Variants in IPO11 observed in about 807,000 individuals in gnomAD.
IPO11 encodes importin-11.
Under a neutral mutation model 143.2 loss-of-function variants are expected in IPO11, and 66 were observed. The ratio of observed to expected loss-of-function variants is 0.46; its 90% CI spans 0.38 to 0.57. The LOEUF is 0.57. IPO11 is among the 20% of genes least tolerant of loss of function. IPO11 has a pLI of 0.00. For missense variants in IPO11, 1,026 were observed against 1,141.0 expected (o/e 0.90, Z 1.45); for synonymous variants, 385 against 377.8 (o/e 1.02, Z -0.22).
chr5:62,462,443 A>C (rs150877785), intron 5 of IPO11, among the ~76,000 whole-genome samples: 10 of 152,252 alleles, frequency 6.6e-5, no homozygotes, highest in African/African-American at 2.4e-4. Flanking sequence ...TGCAAGTGGT[A>C]GAATTCTGCA....
chr5:62,452,844 C>G (rs1219176636), intron 5 of IPO11, among the ~76,000 whole-genome samples: 1 of 150,008 alleles, frequency 6.7e-6, no homozygotes, highest in Non-Finnish European at 1.5e-5. Flanking sequence ...CCTTGACCTC[C>G]TTGGCTCAAA....
intron 18 of IPO11, among the ~76,000 whole-genome samples, chr5:62,505,462 C>T (rs945211896): frequency 1.3e-5 from 2 of 151,910 alleles, no homozygotes; most frequent in Non-Finnish European, 2.9e-5. Flanking sequence ...AAGAAAGTTA[C>T]GTGATAAAAT....
intron 19 of IPO11, among the ~76,000 whole-genome samples, chr5:62,507,143 A>G (rs1161846718): frequency 6.6e-6 from 1 of 152,198 alleles, no homozygotes; most frequent in African/African-American, 2.4e-5. Flanking sequence ...TAGTTCTCAC[A>G]AAAAACTTGA....
At chr5:62,487,900 T>C (rs1326156580) in intron 13 of IPO11, 39 bp downstream of exon 13, 1 of 1,553,560 alleles carries the variant, frequency 6.4e-7, no homozygotes, top group Non-Finnish European at 8.8e-7. Flanking sequence ...GTTAATCTCT[T>C]TAACGTTTAG....
At chr5:62,488,614 A>G (rs551740714) in intron 13 of IPO11, among the ~76,000 whole-genome samples, 115 of 152,328 alleles carry the variant, frequency 7.5e-4, no homozygotes, top group Admixed American at 1.6e-3. Flanking sequence ...TCTTAAGGAC[A>G]GAACCTGAGA....
intron 29 of IPO11, among the ~76,000 whole-genome samples, chr5:62,614,022 A>G (rs1319610982): frequency 6.6e-6 from 1 of 152,222 alleles, no homozygotes. Flanking sequence ...AGACTTTAAA[A>G]CAGCTGTGGT....
At chr5:62,577,805 G>C (rs2112396752) in intron 27 of IPO11, among the ~76,000 whole-genome samples, 1 of 152,030 alleles carries the variant, frequency 6.6e-6, no homozygotes, top group South Asian at 2.1e-4. Flanking sequence ...AGTAATTGTT[G>C]ATGTGAAATG....
intron 1 of IPO11, among the ~76,000 whole-genome samples, chr5:62,414,364 T>G (rs1743219934): frequency 3.3e-5 from 5 of 152,230 alleles, no homozygotes; most frequent in Admixed American, 2.6e-4. Context: ...GTTTGATTAT[T>G]TGGATTTTGA....
At chr5:62,506,191 C>G in intron 18 of IPO11, 50 bp from the exon 19 acceptor site, 1 of 993,380 alleles carries the variant, frequency 1.0e-6, no homozygotes, top group Non-Finnish European at 1.5e-6. Context: ...ATGTAGAGGT[C>G]TTTCATTTCT....
chr5:62,476,563 A>G, intron 8 of IPO11, 120 bp from the exon 9 acceptor site: 1 of 1,082,138 alleles, frequency 9.2e-7, no homozygotes, highest in Non-Finnish European at 1.3e-6. Context: ...TTTTTAAATA[A>G]TGAATTCATA....
intron 1 of IPO11, chr5:62,418,893 G>A (rs1349829850): frequency 8.6e-7 from 1 of 1,157,990 alleles, no homozygotes; most frequent in Non-Finnish European, 1.2e-6. Context: ...TATAGCACCA[G>A]GTGTGAAACT....
At chr5:62,548,338 G>T (rs1426842515) in intron 24 of IPO11, among the ~76,000 whole-genome samples, 1 of 152,016 alleles carries the variant, frequency 6.6e-6, no homozygotes, top group African/African-American at 2.4e-5. Context: ...TTTTCTTGAG[G>T]AAGTCTCTTC....
At chr5:62,618,893 T>C (rs1271107740) in intron 29 of IPO11, among the ~76,000 whole-genome samples, 1 of 152,150 alleles carries the variant, frequency 6.6e-6, no homozygotes, top group Non-Finnish European at 1.5e-5. Flanking sequence ...TTTACCAGAA[T>C]GTACTATCAG....
At chr5:62,439,591 CTT>C (rs772635565) in intron 2 of IPO11, among the ~76,000 whole-genome samples, 15 of 140,282 alleles carry the variant, frequency 1.1e-4, no homozygotes, top group East Asian at 2.1e-4. Flanking sequence ...CTGGCCCAGT[CTT>C]TTTTTTTTTT....
chr5:62,579,907 T>C, intron 27 of IPO11: 1 of 1,551,274 alleles, frequency 6.4e-7, no homozygotes, highest in Non-Finnish European at 8.7e-7. Context: ...TGATCTAGTT[T>C]CAGTTCAGTA....
intron 27 of IPO11, among the ~76,000 whole-genome samples, chr5:62,567,947 G>C (rs531058548): frequency 2.1e-3 from 286 of 136,300 alleles, no homozygotes; most frequent in African/African-American, 6.8e-3. Flanking sequence ...ATTGTGTTTT[G>C]TTTATTTTTC....
Position 62,470,441 on chromosome 5 carries a change from T to C in IPO11, c.708+133T>C, listed in dbSNP as rs1041956954. ...GTGACCATCTAGTTTTTTACCATTCTGACTTTTAGACTTCTGGTCTGTTTT... is the reference window on the plus strand; with the variant it reads ...GTGACCATCTAGTTTTTTACCATTCCGACTTTTAGACTTCTGGTCTGTTTT... On this transcript the variant is annotated intron_variant, in intron 7 of 29. Coordinates refer to ENST00000325324, the MANE Select transcript of IPO11 (RefSeq NM_016338.5). The C allele has an allele frequency of 5.2e-6, 4 of 773,790 alleles. No individual in the cohort carries two copies. In the African/African-American group the frequency reaches 7.0e-5, roughly 14 times the overall value. 47.9% of individuals were successfully genotyped at this position (773,790 alleles called of 1,614,324 possible). A position where few individuals can be genotyped will look rare whatever the true frequency, so the allele number is the denominator to read the frequency against.
At chr5:62,560,023 C>G (rs1447300622) in intron 26 of IPO11, among the ~76,000 whole-genome samples, 1 of 151,324 alleles carries the variant, frequency 6.6e-6, no homozygotes, top group African/African-American at 2.4e-5. Context: ...CCCAGACCCT[C>G]AGGTTTATTA....
At chr5:62,507,523 A>G (rs943569857) in intron 19 of IPO11, among the ~76,000 whole-genome samples, 14 of 152,228 alleles carry the variant, frequency 9.2e-5, no homozygotes, top group Admixed American at 5.9e-4. Context: ...CCTCATGTAT[A>G]AAATGGTAAA....
Sources: gnomAD v4.1 joint callset for allele counts (sites outside exome capture counted in the v4.1 genomes callset) on GRCh38, gnomAD v4.1.1 for gene constraint, MANE v1.5 for transcripts, NCBI Gene and HGNC (gene_info 2026-07-23, HGNC 2026-07-21) for gene names.